Variants in TNR observed in about 807,000 individuals in gnomAD.
TNR encodes tenascin R, also known as tenascin-R.
Under a neutral mutation model 150.4 loss-of-function variants are expected in TNR, and 45 were observed. The observed-to-expected ratio is 0.30, with a 90% confidence interval of 0.24 to 0.38. The LOEUF is 0.38. TNR is among the 10% of genes least tolerant of loss of function. The probability of loss-of-function intolerance (pLI) is 1.00; values close to 1 mark genes in which losing one functional copy is unlikely to be tolerated. For missense variants in TNR, 1,544 were observed against 1,759.1 expected (o/e 0.88, Z 2.19); for synonymous variants, 687 against 678.4 (o/e 1.01, Z -0.20).
intron 2 of TNR, among the ~76,000 whole-genome samples, chr1:175,461,394 A>G (rs764993273): frequency 5.9e-5 from 9 of 152,178 alleles, no homozygotes; most frequent in Non-Finnish European, 1.0e-4. Flanking sequence ...GATTTAAGAA[A>G]TCACTCCAAG....
chr1:175,696,217 GT>G (rs5778870), intron 1 of TNR, among the ~76,000 whole-genome samples: 326 of 40,458 alleles, frequency 8.1e-3, no homozygotes, highest in East Asian at 0.028. Flanking sequence ...CCTTCCTGTA[GT>G]TTTTTTTTTT....
At chr1:175,674,335 G>C (rs1665797774) in intron 1 of TNR, among the ~76,000 whole-genome samples, 1 of 152,184 alleles carries the variant, frequency 6.6e-6, no homozygotes, top group South Asian at 2.1e-4. Context: ...GGAACAGAAA[G>C]ACATAGCTCT....
At chr1:175,621,496 C>A (rs1463782149) in intron 1 of TNR, among the ~76,000 whole-genome samples, 1 of 152,168 alleles carries the variant, frequency 6.6e-6, no homozygotes, top group Non-Finnish European at 1.5e-5. Context: ...ATCCTCACTG[C>A]CAGATGTATC....
intron 1 of TNR, among the ~76,000 whole-genome samples, chr1:175,568,004 G>T (rs901098209): frequency 4.6e-5 from 7 of 152,172 alleles, no homozygotes; most frequent in African/African-American, 1.4e-4. Context: ...TAACAAGTTA[G>T]CAGGTATATT....
intron 2 of TNR, among the ~76,000 whole-genome samples, chr1:175,495,410 T>C (rs1658445440): frequency 6.6e-6 from 1 of 152,194 alleles, no homozygotes; most frequent in African/African-American, 2.4e-5. Flanking sequence ...GTTGAATGAA[T>C]GAATGAAGGT....
At chr1:175,553,450 T>C (rs192648268) in intron 1 of TNR, among the ~76,000 whole-genome samples, 436 of 152,298 alleles carry the variant, frequency 2.9e-3, no homozygotes, top group African/African-American at 9.7e-3. Context: ...CTTCCAGCCG[T>C]TTACCACTGG....
chr1:175,589,090 A>C (rs552987287), intron 1 of TNR, among the ~76,000 whole-genome samples: 14 of 152,192 alleles, frequency 9.2e-5, no homozygotes, highest in Admixed American at 3.3e-4. Flanking sequence ...AGTAATCAAC[A>C]TCTTCTTTTT....
chr1:175,668,369 C>T (rs944724337), intron 1 of TNR, among the ~76,000 whole-genome samples: 32 of 151,544 alleles, frequency 2.1e-4, no homozygotes, highest in African/African-American at 6.7e-4. Flanking sequence ...TAAGTGTCAT[C>T]GTCAGCCCCA....
At chr1:175,480,981 T>C (rs1230840099) in intron 2 of TNR, among the ~76,000 whole-genome samples, 1 of 152,228 alleles carries the variant, frequency 6.6e-6, no homozygotes, top group Non-Finnish European at 1.5e-5. Context: ...TAATTCCTAC[T>C]AAAGTGTTAA....
At chr1:175,506,202 A>G (rs1658951245) in intron 2 of TNR, among the ~76,000 whole-genome samples, 2 of 152,374 alleles carry the variant, frequency 1.3e-5, no homozygotes, top group Middle Eastern at 6.8e-3. Context: ...GCCTCCTTCA[A>G]CTTTCTGAAT....
chr1:175,689,651 C>T (rs1478086404), intron 1 of TNR, among the ~76,000 whole-genome samples: 1 of 152,182 alleles, frequency 6.6e-6, no homozygotes. Context: ...AACCTTGCCT[C>T]TCATTGCCTT....
chr1:175,703,667 T>C (rs686649), intron 1 of TNR, among the ~76,000 whole-genome samples: 140 of 152,042 alleles, frequency 9.2e-4, no homozygotes, highest in Non-Finnish European at 1.6e-3. Context: ...GAGCAAAAGA[T>C]ATGAAAAGGT....
intron 2 of TNR, among the ~76,000 whole-genome samples, chr1:175,492,191 C>G (rs545677631): frequency 1.3e-5 from 2 of 152,170 alleles, no homozygotes; most frequent in Non-Finnish European, 2.9e-5. Context: ...GTCTTTCCCC[C>G]CTCTGGAGAA....
intron 2 of TNR, among the ~76,000 whole-genome samples, chr1:175,526,716 G>T (rs1028476883): frequency 2.6e-5 from 4 of 152,244 alleles, no homozygotes; most frequent in Admixed American, 2.0e-4. Context: ...GGGAAATGAA[G>T]GTGAGATAGA....
At chr1:175,330,342 G>A (rs566921978) in intron 20 of TNR, 107 bp from the exon 21 acceptor site, 7 of 1,028,038 alleles carry the variant, frequency 6.8e-6, no homozygotes, top group Non-Finnish European at 9.6e-6. Flanking sequence ...AAGAGGAGGG[G>A]ACTCCAGATT....
chr1:175,525,031 C>T (rs1659796464), intron 2 of TNR, among the ~76,000 whole-genome samples: 1 of 152,116 alleles, frequency 6.6e-6, no homozygotes, highest in Admixed American at 6.5e-5. Context: ...TCCTATAATT[C>T]CCACATGGCA....
At chr1:175,556,073 G>A (rs990170679) in intron 1 of TNR, among the ~76,000 whole-genome samples, 3 of 152,168 alleles carry the variant, frequency 2.0e-5, no homozygotes, top group African/African-American at 7.2e-5. Flanking sequence ...TGAGTTCCTG[G>A]GCCCCTCTGC....
intron 1 of TNR, among the ~76,000 whole-genome samples, chr1:175,696,012 G>GGATGGATA (rs1361023749): frequency 8.6e-5 from 13 of 151,758 alleles, no homozygotes; most frequent in African/African-American, 3.1e-4. Context: ...ATGGATGGAT[G>GGATGGATA]GACAGATAGA....
intron 13 of TNR, among the ~76,000 whole-genome samples, chr1:175,363,153 C>T (rs1651678731): frequency 6.6e-6 from 1 of 152,238 alleles, no homozygotes; most frequent in Non-Finnish European, 1.5e-5. Context: ...GTCTGGAATG[C>T]TGTCCTGTGT....
Sources: allele counts gnomAD v4.1 joint callset (sites outside exome capture counted in the v4.1 genomes callset), GRCh38; gene constraint gnomAD v4.1.1; transcripts MANE v1.5; gene names NCBI Gene and HGNC (gene_info 2026-07-23, HGNC 2026-07-21).